Variants in TENM3 observed in about 807,000 individuals in gnomAD.
TENM3 encodes teneurin-3.
Under a neutral mutation model 255.1 loss-of-function variants are expected in TENM3, and 63 were observed. The observed-to-expected ratio is 0.25, with a 90% CI of 0.20 to 0.30. The LOEUF is 0.30. TENM3 is among the 10% of genes least tolerant of loss of function. TENM3 has a pLI of 1.00. For missense variants in TENM3, 2,929 were observed against 3,461.1 expected (o/e 0.85, Z 3.86); for synonymous variants, 1,306 against 1,322.3 (o/e 0.99, Z 0.27).
At chr4:181,585,674 T>C in the TENM3 span, among the ~76,000 whole-genome samples, 1 of 152,144 alleles carries the variant, frequency 6.6e-6, no homozygotes, top group African/African-American at 2.4e-5. Flanking sequence ...AAATAGCAAA[T>C]GAGGCCATTT....
intron 3 of TENM3, among the ~76,000 whole-genome samples, chr4:182,438,966 C>T (rs1311548479): frequency 6.6e-6 from 1 of 152,164 alleles, no homozygotes; most frequent in Admixed American, 6.5e-5. Flanking sequence ...ATGATAGGCT[C>T]TGAAACATCT....
intron 1 of TENM3, among the ~76,000 whole-genome samples, chr4:182,299,912 CTTTT>C (rs796408014): frequency 7.0e-6 from 1 of 143,166 alleles, no homozygotes. Context: ...TCAAGTAGAT[CTTTT>C]TTTTTTTTTT....
chr4:182,093,322 A>T, the TENM3 span, among the ~76,000 whole-genome samples: 1 of 152,202 alleles, frequency 6.6e-6, no homozygotes, highest in Non-Finnish European at 1.5e-5. Context: ...TCTTAGAAAG[A>T]TGGTGGCAGG....
chr4:181,768,342 T>C, the TENM3 span, among the ~76,000 whole-genome samples: 1 of 152,146 alleles, frequency 6.6e-6, no homozygotes, highest in African/African-American at 2.4e-5. Context: ...ACCGGACAGC[T>C]CCTCGCAGCA....
the TENM3 span, among the ~76,000 whole-genome samples, chr4:182,107,354 C>A: frequency 6.6e-6 from 1 of 152,136 alleles, no homozygotes; most frequent in African/African-American, 2.4e-5. Flanking sequence ...AGCAGCCCAC[C>A]CTGGGTTTTA....
chr4:182,248,686 A>G (rs766246749), intron 1 of TENM3, among the ~76,000 whole-genome samples: 28 of 152,186 alleles, frequency 1.8e-4, no homozygotes, highest in Non-Finnish European at 3.7e-4. Context: ...GGAGACCACG[A>G]TTTTCCTTCA....
the TENM3 span, among the ~76,000 whole-genome samples, chr4:181,974,672 G>A: frequency 6.6e-6 from 1 of 152,136 alleles, no homozygotes; most frequent in South Asian, 2.1e-4. Context: ...GACCATCGAG[G>A]CTCCTTGGCT....
At position 182,389,709 on chromosome 4, in the gene TENM3, G is replaced by A. The variant is rs1242184089; in HGVS notation, c.511+42780G>A. Among the ~76,000 whole-genome samples the A allele has an allele frequency of 5.1e-4, 3 of 5,890 alleles. No individual in the cohort carries two copies. The Non-Finnish European group carries it at 8.6e-3, about 17-fold the overall frequency. 3.9% of individuals were successfully genotyped at this position (5,890 alleles called of 152,430 possible). ...GATGACTCTTTTTTTTTTTTGAGAC[G>A]GAGTCTCGCTCTGTCGCCCAGGCTG... is the stretch of plus-strand genomic sequence containing the variant. On this transcript the variant is annotated intron_variant, in intron 3 of 27. Transcript: ENST00000511685.
chr4:181,565,568 G>A, the TENM3 span, among the ~76,000 whole-genome samples: 163 of 152,290 alleles, frequency 1.1e-3, 1 homozygote, highest in African/African-American at 3.6e-3. Flanking sequence ...ACGAGGGCAC[G>A]CAGCAAAGTC....
At chr4:182,383,907 CATCAAA>C in intron 3 of TENM3, among the ~76,000 whole-genome samples, 1 of 152,190 alleles carries the variant, frequency 6.6e-6, no homozygotes, top group Admixed American at 6.5e-5. Context: ...AGAATGGATA[CATCAAA>C]TTCAGCTAAG....
chr4:181,851,646 G>GCA, the TENM3 span, among the ~76,000 whole-genome samples: 3 of 151,916 alleles, frequency 2.0e-5, no homozygotes, highest in Non-Finnish European at 4.4e-5. Context: ...ATGCACACAC[G>GCA]CACACACACT....
chr4:182,621,649 T>TATTA (rs1217052951), intron 4 of TENM3, among the ~76,000 whole-genome samples: 1 of 30,826 alleles, frequency 3.2e-5, no homozygotes, highest in African/African-American at 1.1e-4. Flanking sequence ...ATAATACATA[T>TATTA]TATAATATAT....
intron 1 of TENM3, among the ~76,000 whole-genome samples, chr4:182,323,206 T>C (rs1763167001): frequency 6.6e-6 from 1 of 152,134 alleles, no homozygotes; most frequent in African/African-American, 2.4e-5. Context: ...CGCTTATTCG[T>C]GCAGTTGCAG....
At chr4:182,421,038 CT>C (rs1770797884) in intron 3 of TENM3, among the ~76,000 whole-genome samples, 1 of 152,174 alleles carries the variant, frequency 6.6e-6, no homozygotes, top group African/African-American at 2.4e-5. Context: ...GGTTTCATCA[CT>C]GAACAGCTTG....
chr4:182,383,758 T>G (rs142072469), intron 3 of TENM3, among the ~76,000 whole-genome samples: 321 of 152,234 alleles, frequency 2.1e-3, no homozygotes, highest in African/African-American at 7.3e-3. Context: ...CAGACTATGC[T>G]TCAAGGCTAC....
the TENM3 span, among the ~76,000 whole-genome samples, chr4:181,730,115 C>T: frequency 1.3e-5 from 2 of 152,106 alleles, no homozygotes; most frequent in African/African-American, 4.8e-5. Context: ...ACACATTCAG[C>T]AGGTTTCGGG....
intron 3 of TENM3, among the ~76,000 whole-genome samples, chr4:182,536,755 G>A (rs1395860890): frequency 1.3e-5 from 2 of 152,142 alleles, no homozygotes; most frequent in South Asian, 2.1e-4. Flanking sequence ...CATGGTGAAC[G>A]TTTCTGTGAA....
chr4:181,472,659 C>T, the TENM3 span, among the ~76,000 whole-genome samples: 1 of 152,032 alleles, frequency 6.6e-6, no homozygotes, highest in Non-Finnish European at 1.5e-5. Context: ...GGCAGGAAAT[C>T]CTCCTGACTT....
chr4:181,555,649 G>A, the TENM3 span, among the ~76,000 whole-genome samples: 4 of 152,294 alleles, frequency 2.6e-5, no homozygotes, highest in African/African-American at 7.2e-5. Flanking sequence ...GTTAGTTCAA[G>A]TTTAGGTTGC....
Sources: allele counts gnomAD v4.1 joint callset (sites outside exome capture counted in the v4.1 genomes callset), GRCh38; gene constraint gnomAD v4.1.1; transcripts MANE v1.5; gene names NCBI Gene and HGNC (gene_info 2026-07-23, HGNC 2026-07-21).